Variants in SUCLA2 observed in about 807,000 individuals in gnomAD.
The protein encoded by SUCLA2 is succinate-CoA ligase ADP-forming subunit beta.
Under a neutral mutation model 54.8 loss-of-function variants are expected in SUCLA2, and 30 were observed. That is an observed-to-expected ratio of 0.55 (90% confidence interval 0.41 to 0.74). The LOEUF (loss-of-function observed/expected upper bound fraction) is 0.74, where lower values mean the gene tolerates loss of function less well. Among genes scored for constraint, SUCLA2 ranks in the 30% least tolerant of loss-of-function variants. The probability of loss-of-function intolerance (pLI) is 0.00; values close to 1 mark genes in which losing one functional copy is unlikely to be tolerated. For synonymous variants in SUCLA2, 172 were observed against 188.9 expected, an observed-to-expected ratio of 0.91 and a Z score of 0.74; for missense variants, 476 against 562.9, an observed-to-expected ratio of 0.85 and a Z score of 1.56.
chr13:47,965,239 T>C (rs1949907772), intron 6 of SUCLA2, among the ~76,000 whole-genome samples: 1 of 150,638 alleles, frequency 6.6e-6, no homozygotes, highest in African/African-American at 2.4e-5. Context: ...TGGGTAAAAG[T>C]TTGACAAGGA....
chr13:47,968,608 A>T lies in SUCLA2; in HGVS notation c.789T>A (p.Asp263Glu). The change falls in exon 6 of 11, where the codon GAT (aspartate) becomes GAA (glutamate). Residue 263 changes from aspartate (D) to glutamate (E), a missense_variant. Asp to Glu is a conservative substitution (Grantham distance 45, BLOSUM62 2). This residue lies in a region of SUCLA2 where 342 missense variants were observed against 444.2 expected (regional missense o/e 0.77). Transcript: ENST00000646932. Reference protein sequence around the residue: ...TMIEINPMVEDSDGAVLCMDA... With the variant: ...TMIEINPMVEESDGAVLCMDA... Reference sequence around the variant, plus strand: ...AAGATACTTTACCAGCTCCATCTGAATCTTCCACCATTGGATTTATTTCTA... The same window carrying T: ...AAGATACTTTACCAGCTCCATCTGATTCTTCCACCATTGGATTTATTTCTA... The T allele has an allele frequency of 6.2e-7, 1 of 1,611,590 alleles. No individual in the cohort carries two copies. The highest frequency in any genetic ancestry group is 2.2e-5 in the East Asian group (1 of 44,808).
intron 6 of SUCLA2, among the ~76,000 whole-genome samples, chr13:47,964,235 T>C (rs1376200397): frequency 6.6e-6 from 1 of 152,044 alleles, no homozygotes. Context: ...ATTGCATTTA[T>C]ATAACATTCT....
intron 4 of SUCLA2, among the ~76,000 whole-genome samples, chr13:47,985,222 T>A (rs1183797086): frequency 6.6e-6 from 1 of 152,218 alleles, no homozygotes; most frequent in African/African-American, 2.4e-5. Flanking sequence ...CTTTGCTTAT[T>A]CTTTTTTTTT....
At chr13:47,955,052 TTAACTCC>T (rs1406503095) in intron 6 of SUCLA2, among the ~76,000 whole-genome samples, 1 of 152,156 alleles carries the variant, frequency 6.6e-6, no homozygotes, top group Non-Finnish European at 1.5e-5. Context: ...AAAAAATCTT[TTAACTCC>T]TATCTCCCCC....
At chr13:47,983,128 C>CT (rs968903572) in intron 4 of SUCLA2, among the ~76,000 whole-genome samples, 2 of 151,850 alleles carry the variant, frequency 1.3e-5, no homozygotes, top group African/African-American at 4.8e-5. Flanking sequence ...AAAAAAAAAA[C>CT]TTTTTTAAAT....
At position 47,957,897 on chromosome 13, in the gene SUCLA2, T is replaced by G. The variant is rs1377704842; in HGVS notation, c.803-3340A>C. On this transcript the variant is annotated intron_variant, in intron 6 of 10. Coordinates refer to ENST00000646932, the MANE Select transcript of SUCLA2 (RefSeq NM_003850.3). ...TCAAGTGTGTCAGTTTGGACACTTT[T>G]GGGGCTTGTTTGTTGCTGTAGCAGC... Among the ~76,000 whole-genome samples the G allele has an allele frequency of 2.0e-5, 3 of 152,176 alleles. No individual in the cohort carries two copies. The East Asian group carries it at 5.8e-4, about 29-fold the overall frequency.
intron 4 of SUCLA2, among the ~76,000 whole-genome samples, chr13:47,980,579 T>TA (rs1950053044): frequency 6.6e-6 from 1 of 151,354 alleles, no homozygotes; most frequent in Admixed American, 6.6e-5. Context: ...CTTTTTTTTA[T>TA]AAAAATAGAA....
At chr13:47,960,134 G>C (rs76985920) in intron 6 of SUCLA2, among the ~76,000 whole-genome samples, 12,829 of 152,098 alleles carry the variant, frequency 0.084, 729 homozygotes, top group South Asian at 0.18. Flanking sequence ...AAGATTGAGG[G>C]CTGGGTTTCC....
At chr13:47,984,088 T>C (rs539800186) in intron 4 of SUCLA2, among the ~76,000 whole-genome samples, 14 of 152,346 alleles carry the variant, frequency 9.2e-5, no homozygotes, top group Admixed American at 8.5e-4. Flanking sequence ...TATTTCATGT[T>C]CAAACGACTT....
intron 10 of SUCLA2, among the ~76,000 whole-genome samples, chr13:47,943,675 C>T (rs567762759): frequency 2.0e-5 from 3 of 150,972 alleles, no homozygotes; most frequent in Non-Finnish European, 4.4e-5. Flanking sequence ...AGATGTTATA[C>T]CACCTGCTAG....
chr13:47,982,443 G>A (rs892250536), intron 4 of SUCLA2, among the ~76,000 whole-genome samples: 7 of 151,800 alleles, frequency 4.6e-5, no homozygotes, highest in African/African-American at 1.5e-4. Flanking sequence ...GGAAAAGGGA[G>A]CTGTTCAATG....
At chr13:47,971,143 C>T (rs770900358) in intron 5 of SUCLA2, among the ~76,000 whole-genome samples, 17 of 151,858 alleles carry the variant, frequency 1.1e-4, no homozygotes, top group Admixed American at 2.0e-4. Context: ...CCAGGCGCGG[C>T]GGCTCACACC....
At chr13:47,979,605 C>T (rs888745770) in intron 4 of SUCLA2, among the ~76,000 whole-genome samples, 3 of 152,072 alleles carry the variant, frequency 2.0e-5, no homozygotes, top group Admixed American at 6.6e-5. Flanking sequence ...CCTGCACATT[C>T]TGCACATGTA....
chr13:47,986,322 C>T (rs1231256670), intron 4 of SUCLA2, among the ~76,000 whole-genome samples: 3 of 152,170 alleles, frequency 2.0e-5, no homozygotes, highest in Non-Finnish European at 2.9e-5. Flanking sequence ...TGAGCCACCA[C>T]ACCCAGCCTG....
intron 3 of SUCLA2, 25 bp downstream of exon 3, chr13:47,988,857 T>A (rs1320795274): frequency 6.2e-7 from 1 of 1,607,802 alleles, no homozygotes; most frequent in East Asian, 2.2e-5. Context: ...ACAAGGATGA[T>A]TTTTCCTTAA....
chr13:47,991,027 A>G (rs1029705158), intron 2 of SUCLA2, among the ~76,000 whole-genome samples: 8 of 152,172 alleles, frequency 5.3e-5, no homozygotes, highest in Admixed American at 4.6e-4. Context: ...TACTGGTTCT[A>G]TCTTCAAATT....
At chr13:47,953,101 C>A (rs9526420) in intron 8 of SUCLA2, among the ~76,000 whole-genome samples, 7,595 of 152,166 alleles carry the variant, frequency 0.05, 258 homozygotes, top group Non-Finnish European at 0.078. Flanking sequence ...GCACAGTGAC[C>A]ATCACAAAAT....
At chr13:47,991,873 T>C (rs1207671041) in intron 2 of SUCLA2, among the ~76,000 whole-genome samples, 2 of 152,220 alleles carry the variant, frequency 1.3e-5, no homozygotes, top group Non-Finnish European at 2.9e-5. Flanking sequence ...TATTCACAAA[T>C]GTATCACAAC....
intron 6 of SUCLA2, among the ~76,000 whole-genome samples, chr13:47,958,040 C>T (rs1286529148): frequency 1.3e-5 from 2 of 152,082 alleles, no homozygotes; most frequent in South Asian, 2.1e-4. Context: ...GGGTTTGCTG[C>T]TGAATGAAAA....
Sources: gnomAD v4.1 joint callset for allele counts (sites outside exome capture counted in the v4.1 genomes callset) on GRCh38, gnomAD v4.1.1 for gene constraint, gnomAD v4.1.1 regional missense constraint, MANE v1.5 for transcripts, NCBI Gene and HGNC (gene_info 2026-07-23, HGNC 2026-07-21) for gene names.